The following SEPTIN10 variants were observed in gnomAD, a reference collection of about 807,000 sequenced individuals.
SEPTIN10 encodes the protein septin-10.
Under a neutral mutation model 54.8 loss-of-function variants are expected in SEPTIN10, and 66 were observed. That is an observed-to-expected ratio of 1.21 (90% confidence interval 0.99 to 1.48). SEPTIN10 has a LOEUF of 1.48. Among genes scored for constraint, SEPTIN10 ranks in the 40% most tolerant of loss-of-function variants. SEPTIN10 has a pLI of 0.00. For missense variants in SEPTIN10, 620 were observed against 545.6 expected, an observed-to-expected ratio of 1.14 and a Z score of -1.36; for synonymous variants, 161 against 181.0, an observed-to-expected ratio of 0.89 and a Z score of 0.89.
At chr2:109,604,340 AG>A (rs1280946296) in intron 1 of SEPTIN10, among the ~76,000 whole-genome samples, 1 of 103,572 alleles carries the variant, frequency 9.7e-6, no homozygotes, top group Non-Finnish European at 2.1e-5. Flanking sequence ...GGGACCCCAT[AG>A]AAAGAAAGAA....
At chr2:109,574,502 A>T in intron 5 of SEPTIN10, 79 bp downstream of exon 5, 3 of 858,596 alleles carry the variant, frequency 3.5e-6, no homozygotes, top group Non-Finnish European at 4.8e-6. Context: ...GTTACAATAT[A>T]TATCCATATT....
intron 4 of SEPTIN10, among the ~76,000 whole-genome samples, chr2:109,575,778 C>A (rs756785470): frequency 6.6e-6 from 1 of 152,180 alleles, no homozygotes; most frequent in Non-Finnish European, 1.5e-5. Context: ...TGAACCAGTA[C>A]CTTGAGCAGC....
At chr2:109,582,977 G>A (rs1165034147) in intron 4 of SEPTIN10, among the ~76,000 whole-genome samples, 2 of 152,204 alleles carry the variant, frequency 1.3e-5, no homozygotes. Flanking sequence ...CTAGCCATAT[G>A]CAGAAGAATG....
intron 9 of SEPTIN10, among the ~76,000 whole-genome samples, chr2:109,551,379 T>C (rs768148718): frequency 1.3e-5 from 2 of 152,224 alleles, no homozygotes; most frequent in Non-Finnish European, 2.9e-5. Context: ...AAAACTAAGA[T>C]TCATGCTATA....
Position 109,550,317 on chromosome 2 carries a change from TTTTTTTG to T in SEPTIN10, c.1161+2763_1161+2769del, listed in dbSNP as rs549555879. Among the ~76,000 whole-genome samples the T allele has an allele frequency of 9.4e-3, 1,419 of 151,360 alleles. 31 individuals are homozygous for T. Among genetic ancestry groups the T allele is most frequent in the African/African-American group, 0.033 (1,360 of 41,274 alleles). ...AAAAACAAAAAAAAAGTATCTTTTT[TTTTTTTG>T]TTTTTTGAGACGGATTCTCGCTCTG... is the stretch of plus-strand genomic sequence containing the variant. On this transcript the variant is annotated intron_variant, in intron 9 of 10. Transcript: ENST00000397712.
chr2:109,579,387 T>TC (rs1690543863), intron 4 of SEPTIN10, among the ~76,000 whole-genome samples: 1 of 145,954 alleles, frequency 6.9e-6, no homozygotes, highest in Non-Finnish European at 1.5e-5. Flanking sequence ...AGGCCCTCCT[T>TC]TTTTTTTTTT....
At chr2:109,576,222 C>A (rs185507812) in intron 4 of SEPTIN10, among the ~76,000 whole-genome samples, 217 of 152,270 alleles carry the variant, frequency 1.4e-3, no homozygotes, top group African/African-American at 4.7e-3. Flanking sequence ...GATTGTGCCA[C>A]TGCACACCAG....
intron 9 of SEPTIN10, among the ~76,000 whole-genome samples, chr2:109,550,671 C>T (rs1490735057): frequency 2.0e-5 from 3 of 152,298 alleles, no homozygotes; most frequent in South Asian, 4.1e-4. Context: ...GCTGAGCTAG[C>T]AGATGACTTC....
At chr2:109,585,630 A>G (rs1317036395) in intron 3 of SEPTIN10, 91 bp downstream of exon 3, 31 of 898,052 alleles carry the variant, frequency 3.5e-5, no homozygotes, top group Non-Finnish European at 5.4e-5. Flanking sequence ...TTTCAAATTG[A>G]TAACATGAGC....
At chr2:109,573,920 C>T (rs1688986988) in intron 5 of SEPTIN10, among the ~76,000 whole-genome samples, 1 of 152,182 alleles carries the variant, frequency 6.6e-6, no homozygotes, top group African/African-American at 2.4e-5. Flanking sequence ...AACATTAGAC[C>T]TTAATCCTTG....
chr2:109,569,437 T>TA (rs61064446), intron 5 of SEPTIN10, among the ~76,000 whole-genome samples: 6,481 of 131,202 alleles, frequency 0.049, 208 homozygotes, highest in East Asian at 0.17. Context: ...AAACTCTTGT[T>TA]AAAAAAAAAA....
intron 1 of SEPTIN10, among the ~76,000 whole-genome samples, chr2:109,602,621 G>A (rs866642978): frequency 8.8e-4 from 132 of 150,536 alleles, no homozygotes; most frequent in African/African-American, 3.2e-3. Context: ...GTTGCAGTGA[G>A]CCGAGATCGC....
At chr2:109,613,693 G>A (rs953768658) in intron 1 of SEPTIN10, 105 bp downstream of exon 1, 15 of 761,552 alleles carry the variant, frequency 2.0e-5, no homozygotes, top group Admixed American at 1.8e-4. Context: ...GAGGGGGCGC[G>A]GGTCACAATC....
At chr2:109,568,877 T>C (rs1687700453) in intron 5 of SEPTIN10, among the ~76,000 whole-genome samples, 1 of 152,096 alleles carries the variant, frequency 6.6e-6, no homozygotes, top group South Asian at 2.1e-4. Flanking sequence ...CTTAAAAGTG[T>C]TCATGATGCA....
In SEPTIN10 at chr2:109,543,208, A is replaced by G. The variant is rs1680391819; in HGVS notation, c.*1101T>C. 6.6e-6 allele frequency: 1 copy of G among 152,600 alleles called. No homozygotes were observed. Among genetic ancestry groups the G allele is most frequent in the Admixed American group, 6.5e-5 (1 of 15,276 alleles). The allele number at this position is 152,600 out of a possible 1,614,324, so 9.5% of individuals were successfully genotyped here. ...TCAGATGTTCATAGTTATTTTCTTAAAAAGTATTTTTAATAAAATGATTCA... is the reference window on the plus strand; with the variant it reads ...TCAGATGTTCATAGTTATTTTCTTAGAAAGTATTTTTAATAAAATGATTCA... On this transcript the variant is annotated 3_prime_UTR_variant, in exon 11 of 11. Coordinates refer to ENST00000397712, the MANE Select transcript of SEPTIN10 (RefSeq NM_144710.5).
intron 9 of SEPTIN10, chr2:109,552,636 T>A (rs1284561842): frequency 6.1e-6 from 1 of 162,804 alleles, no homozygotes; most frequent in Non-Finnish European, 1.3e-5. Flanking sequence ...GGAGTTGGGC[T>A]GTGGCAAATG....
chr2:109,575,728 T>G (rs188926782), intron 4 of SEPTIN10, among the ~76,000 whole-genome samples: 1 of 152,320 alleles, frequency 6.6e-6, no homozygotes, highest in Non-Finnish European at 1.5e-5. Flanking sequence ...CCATGTCAAA[T>G]TCCCTGGAAA....
chr2:109,590,056 GTA>G (rs1302202109), intron 2 of SEPTIN10, among the ~76,000 whole-genome samples: 2 of 144,946 alleles, frequency 1.4e-5, no homozygotes, highest in East Asian at 2.0e-4. Flanking sequence ...ATATGTGTGT[GTA>G]TATATATACA....
intron 5 of SEPTIN10, among the ~76,000 whole-genome samples, chr2:109,571,667 T>C (rs1352541672): frequency 2.6e-5 from 4 of 152,218 alleles, no homozygotes; most frequent in Non-Finnish European, 4.4e-5. Flanking sequence ...TGCAAGACTG[T>C]CCTACACTAT....
Sources: allele counts gnomAD v4.1 joint callset (sites outside exome capture counted in the v4.1 genomes callset), GRCh38; gene constraint gnomAD v4.1.1; transcripts MANE v1.5; gene names NCBI Gene and HGNC (gene_info 2026-07-23, HGNC 2026-07-21).